LRCH3: variants seen among roughly 807,000 people sequenced by gnomAD.
LRCH3 encodes the protein DISP complex protein LRCH3.
Under a neutral mutation model 104.5 loss-of-function variants are expected in LRCH3, and 68 were observed. The ratio of observed to expected loss-of-function variants is 0.65; its 90% confidence interval spans 0.54 to 0.80. The LOEUF (loss-of-function observed/expected upper bound fraction) is 0.80, where lower values mean the gene tolerates loss of function less well. LRCH3 is among the 30% of genes least tolerant of loss of function. LRCH3 has a pLI of 0.00. For synonymous variants in LRCH3, 344 were observed against 361.3 expected (o/e 0.95, Z 0.54); for missense variants, 951 against 953.9 (o/e 1.00, Z 0.04).
intron 20 of LRCH3, among the ~76,000 whole-genome samples, chr3:197,880,084 T>G (rs887990418): frequency 6.6e-6 from 1 of 151,204 alleles, no homozygotes. Flanking sequence ...TAGCTGGGAC[T>G]ACAGGCGCCC....
chr3:197,874,728 G>A (rs886499175), intron 19 of LRCH3, among the ~76,000 whole-genome samples: 2 of 152,040 alleles, frequency 1.3e-5, no homozygotes, highest in Non-Finnish European at 1.5e-5. Context: ...GTAACTATTC[G>A]TTCAAAGTTT....
chr3:197,795,870 T>C (rs1289079523), intron 1 of LRCH3, among the ~76,000 whole-genome samples: 1 of 151,664 alleles, frequency 6.6e-6, no homozygotes, highest in Admixed American at 6.6e-5. Flanking sequence ...TTTTTATATA[T>C]TTAGTAGAGA....
At chr3:197,823,677 C>G (rs1734762668) in intron 4 of LRCH3, among the ~76,000 whole-genome samples, 1 of 151,758 alleles carries the variant, frequency 6.6e-6, no homozygotes, top group Admixed American at 6.6e-5. Flanking sequence ...TTTGTAGAGA[C>G]AAGGGTCTCA....
At chr3:197,837,194 G>A (rs547162747) in intron 9 of LRCH3, among the ~76,000 whole-genome samples, 2 of 152,142 alleles carry the variant, frequency 1.3e-5, no homozygotes, top group South Asian at 4.1e-4. Flanking sequence ...TAACTATTTT[G>A]CAATAAAATT....
intron 9 of LRCH3, among the ~76,000 whole-genome samples, chr3:197,836,219 C>G (rs1281444776): frequency 6.6e-6 from 1 of 152,160 alleles, no homozygotes; most frequent in East Asian, 1.9e-4. Flanking sequence ...AAAAAGTTGA[C>G]TTTTGTGGCA....
chr3:197,881,498 A>G (rs185225206), intron 20 of LRCH3: 2 of 985,428 alleles, frequency 2.0e-6, no homozygotes, highest in East Asian at 2.3e-4. Flanking sequence ...CACTCCCAGC[A>G]TTCTGTTTAA....
Position 197,886,679 on chromosome 3 carries a change from C to T in LRCH3, c.*3013C>T. The T allele has an allele frequency of 6.6e-6, 1 of 152,056 alleles. No homozygotes were observed. Among genetic ancestry groups the T allele is most frequent in the East Asian group, 1.9e-4 (1 of 5,190 alleles). The allele number at this position is 152,056 out of a possible 1,614,324, so 9.4% of individuals were successfully genotyped here. On this transcript the variant is annotated 3_prime_UTR_variant, in exon 21 of 21. Coordinates refer to ENST00000425562, the MANE Select transcript of LRCH3 (RefSeq NM_001365715.1). ...AATTAGCTGGGCGTGGTGGTGGGCA[C>T]CTGTAATCCCAGCTACTTGGGTGGC...
intron 2 of LRCH3, among the ~76,000 whole-genome samples, chr3:197,816,560 G>A (rs1580618773): frequency 6.6e-6 from 1 of 152,180 alleles, no homozygotes; most frequent in East Asian, 1.9e-4. Flanking sequence ...GATTACAGAC[G>A]TGAGCCACTG....
At chr3:197,882,170 A>G in intron 20 of LRCH3, 1 of 985,436 alleles carries the variant, frequency 1.0e-6, no homozygotes, top group Non-Finnish European at 1.2e-6. Context: ...GGTGCCCCAG[A>G]AAGCACAGGC....
chr3:197,878,463 A>C (rs2109559270), intron 20 of LRCH3, among the ~76,000 whole-genome samples: 1 of 152,250 alleles, frequency 6.6e-6, no homozygotes, highest in East Asian at 1.9e-4. Context: ...AAGAAAAAAA[A>C]AATACAGTTT....
chr3:197,880,532 C>G, intron 20 of LRCH3: 1 of 1,536,180 alleles, frequency 6.5e-7, no homozygotes, highest in East Asian at 2.4e-5. Context: ...GTTCCCCTTC[C>G]GACATCCTTC....
At chr3:197,799,052 G>A (rs1019742016) in intron 1 of LRCH3, among the ~76,000 whole-genome samples, 4 of 152,198 alleles carry the variant, frequency 2.6e-5, no homozygotes, top group Non-Finnish European at 5.9e-5. Context: ...GAGGTAGTAG[G>A]ATGGTTTCTT....
chr3:197,815,475 G>T (rs1443482123), intron 2 of LRCH3, among the ~76,000 whole-genome samples: 1 of 152,146 alleles, frequency 6.6e-6, no homozygotes, highest in Non-Finnish European at 1.5e-5. Flanking sequence ...GTAAAGTGTG[G>T]TTTCTACTGA....
At chr3:197,850,028 A>G (rs1739350797) in intron 12 of LRCH3, among the ~76,000 whole-genome samples, 1 of 152,178 alleles carries the variant, frequency 6.6e-6, no homozygotes, top group Non-Finnish European at 1.5e-5. Context: ...GACCCTGAAG[A>G]GTGAGTAGGT....
At chr3:197,830,675 C>A in intron 6 of LRCH3, 95 bp from the exon 7 acceptor site, 1 of 953,256 alleles carries the variant, frequency 1.0e-6, no homozygotes, top group Non-Finnish European at 1.6e-6. Flanking sequence ...AAGTGACTGC[C>A]ACATTTCTTG....
At chr3:197,800,167 C>G (rs530291018) in intron 1 of LRCH3, among the ~76,000 whole-genome samples, 1 of 151,902 alleles carries the variant, frequency 6.6e-6, no homozygotes. Context: ...CACTATACTC[C>G]ACTCCAGCCT....
intron 1 of LRCH3, among the ~76,000 whole-genome samples, chr3:197,803,146 A>G (rs1326508397): frequency 6.6e-6 from 1 of 152,222 alleles, no homozygotes; most frequent in African/African-American, 2.4e-5. Context: ...GTTAAACCTT[A>G]TATGTAGTGA....
At chr3:197,848,330 G>A (rs75560070) in intron 12 of LRCH3, 22,772 of 224,152 alleles carry the variant, frequency 0.1, 1,307 homozygotes, top group African/African-American at 0.13. Context: ...ACCATAAAAG[G>A]CCCGTGCAGA....
chr3:197,820,244 C>A, intron 3 of LRCH3, 81 bp from the exon 4 acceptor site: 1 of 998,614 alleles, frequency 1.0e-6, no homozygotes, highest in Non-Finnish European at 1.6e-6. Context: ...GTCTCCCAAA[C>A]ATATCTAATT....
Sources: gnomAD v4.1 joint callset for allele counts (sites outside exome capture counted in the v4.1 genomes callset) on GRCh38, gnomAD v4.1.1 for gene constraint, MANE v1.5 for transcripts, NCBI Gene and HGNC (gene_info 2026-07-23, HGNC 2026-07-21) for gene names.